The following COL25A1 variants were observed in gnomAD, a reference collection of about 807,000 sequenced individuals.
The protein encoded by COL25A1 is collagen type XXV alpha 1 chain.
COL25A1 carries 103 observed loss-of-function variants against 128.4 expected under a neutral mutation model. The ratio of observed to expected loss-of-function variants is 0.80; its 90% CI spans 0.68 to 0.94. COL25A1 has a LOEUF of 0.94. Among genes scored for constraint, COL25A1 ranks in the 40% least tolerant of loss-of-function variants. The pLI, the probability that COL25A1 is intolerant of heterozygous loss-of-function variation, is 0.00. For missense variants in COL25A1, 745 were observed against 840.0 expected (o/e 0.89, Z 1.40); for synonymous variants, 279 against 277.2 (o/e 1.01, Z -0.06).
At chr4:109,199,257 C>A (rs574624825) in intron 3 of COL25A1, among the ~76,000 whole-genome samples, 1 of 152,268 alleles carries the variant, frequency 6.6e-6, no homozygotes, top group East Asian at 1.9e-4. Flanking sequence ...AGATCCCTGT[C>A]ATGTCTTTAT....
intron 8 of COL25A1, among the ~76,000 whole-genome samples, chr4:108,954,665 A>G (rs1260191972): frequency 2.0e-5 from 3 of 151,776 alleles, no homozygotes; most frequent in South Asian, 2.1e-4. Context: ...TTAATATTCC[A>G]TTTATCAAAG....
intron 3 of COL25A1, among the ~76,000 whole-genome samples, chr4:109,085,665 A>G (rs552983029): frequency 2.0e-5 from 3 of 152,208 alleles, no homozygotes; most frequent in Non-Finnish European, 2.9e-5. Context: ...GTTCCCTGCA[A>G]TATCTACCAT....
At chr4:109,111,091 T>C (rs1342740474) in intron 3 of COL25A1, among the ~76,000 whole-genome samples, 1 of 152,218 alleles carries the variant, frequency 6.6e-6, no homozygotes, top group Non-Finnish European at 1.5e-5. Context: ...CTGTTCCAGA[T>C]TTTTCTCTAC....
intron 3 of COL25A1, among the ~76,000 whole-genome samples, chr4:109,208,068 G>C (rs939128000): frequency 6.6e-6 from 1 of 152,130 alleles, no homozygotes; most frequent in Non-Finnish European, 1.5e-5. Context: ...AAAGAGACAC[G>C]CATATATACG....
intron 3 of COL25A1, among the ~76,000 whole-genome samples, chr4:109,199,417 T>A (rs1490439226): frequency 1.3e-5 from 2 of 152,170 alleles, no homozygotes; most frequent in Admixed American, 1.3e-4. Context: ...AGTGTTGGGA[T>A]TATAGGCATG....
chr4:108,996,198 A>G lies in COL25A1; in HGVS notation c.438+14160T>C, dbSNP rs552073981. On this transcript the variant is annotated intron_variant, in intron 6 of 37. Transcript: ENST00000399132. ...CAAATTGGATAAAGAGTCAGGACCC[A>G]TCGGTGTGCTGTATTCATGAGACCC... 2.2e-4 allele frequency among the ~76,000 whole-genome samples: 33 copies of G among 150,232 alleles called. 1 individual carries two copies. Among genetic ancestry groups the G allele is most frequent in the African/African-American group, 7.1e-4 (29 of 41,060 alleles).
Position 109,102,597 on chromosome 4 carries a change from A to G in COL25A1, c.368-52418T>C, listed in dbSNP as rs28398318. Among the ~76,000 whole-genome samples the G allele has an allele frequency of 9.2e-3, 1,403 of 152,256 alleles. 23 individuals are homozygous for G. The highest frequency in any genetic ancestry group is 0.032 in the African/African-American group (1,324 of 41,558). On this transcript the variant is annotated intron_variant, in intron 3 of 37. Transcript: ENST00000399132. ...ATCAATTTCTGAAAAAAGGATGTTG[A>G]GATCTCTGACTAAAATTGTGGGATT...
chr4:109,035,710 T>C (rs190326309), intron 5 of COL25A1, among the ~76,000 whole-genome samples: 7 of 152,180 alleles, frequency 4.6e-5, no homozygotes, highest in Non-Finnish European at 8.8e-5. Flanking sequence ...AATCTACACA[T>C]AGGAAACTTC....
At chr4:108,845,488 C>T (rs1246627992) in intron 28 of COL25A1, among the ~76,000 whole-genome samples, 2 of 152,070 alleles carry the variant, frequency 1.3e-5, no homozygotes, top group Non-Finnish European at 2.9e-5. Context: ...CTAGTTTGAG[C>T]TTGATTGGTT....
At chr4:108,815,883 A>G (rs752776675) in intron 37 of COL25A1, among the ~76,000 whole-genome samples, 2 of 152,170 alleles carry the variant, frequency 1.3e-5, no homozygotes, top group Non-Finnish European at 2.9e-5. Context: ...TGCGAACCCA[A>G]GTTCTGAGTG....
intron 6 of COL25A1, among the ~76,000 whole-genome samples, chr4:109,000,743 C>CAAAAAAAAAAAAAAAAAAAAAAAAAAA (rs1180104512): frequency 8.2e-5 from 3 of 36,428 alleles, no homozygotes; most frequent in African/African-American, 5.1e-4. Context: ...GAGACTCTGT[C>CAAAAAAAAAAAAAAAAAAAAAAAAAAA]AAAAAAAAAA....
chr4:109,162,607 GA>G (rs1772683563), intron 3 of COL25A1, among the ~76,000 whole-genome samples: 1 of 152,164 alleles, frequency 6.6e-6, no homozygotes, highest in South Asian at 2.1e-4. Context: ...GGAATGTCTA[GA>G]GTCAACGAGA....
At chr4:108,982,054 C>G (rs762177529) in intron 6 of COL25A1, among the ~76,000 whole-genome samples, 2 of 151,656 alleles carry the variant, frequency 1.3e-5, no homozygotes, top group Admixed American at 6.6e-5. Flanking sequence ...ATTAGCCAGG[C>G]GTGGTGGCAT....
At chr4:109,272,171 G>A (rs950611648) in intron 3 of COL25A1, among the ~76,000 whole-genome samples, 3 of 152,100 alleles carry the variant, frequency 2.0e-5, no homozygotes, top group African/African-American at 7.2e-5. Context: ...GAGAGGTCAA[G>A]GCTGCGATGA....
At chr4:109,117,446 T>A (rs1042885381) in intron 3 of COL25A1, among the ~76,000 whole-genome samples, 1 of 151,972 alleles carries the variant, frequency 6.6e-6, no homozygotes, top group African/African-American at 2.4e-5. Context: ...AATCAAAACT[T>A]TCTCAAACAA....
chr4:108,951,394 T>A (rs1296603096), intron 8 of COL25A1, among the ~76,000 whole-genome samples: 1 of 151,600 alleles, frequency 6.6e-6, no homozygotes, highest in Admixed American at 6.6e-5. Flanking sequence ...TTTTTTCTTT[T>A]TTTTTTTTTT....
At chr4:109,190,482 T>C (rs556016408) in intron 3 of COL25A1, among the ~76,000 whole-genome samples, 13 of 152,322 alleles carry the variant, frequency 8.5e-5, no homozygotes, top group Admixed American at 8.5e-4. Context: ...CACACTCCTA[T>C]GCAATCCCAT....
chr4:108,907,035 C>T (rs934612288), intron 13 of COL25A1, among the ~76,000 whole-genome samples: 7 of 152,046 alleles, frequency 4.6e-5, no homozygotes, highest in African/African-American at 7.2e-5. Context: ...GCAGCTGTCA[C>T]GGGAAAAGAG....
chr4:109,049,814 C>T (rs1309968125), intron 4 of COL25A1, among the ~76,000 whole-genome samples: 2 of 152,140 alleles, frequency 1.3e-5, no homozygotes, highest in Admixed American at 6.6e-5. Flanking sequence ...TGCTATCACA[C>T]CGTGTGCAGC....
Sources: gnomAD v4.1 joint callset for allele counts (sites outside exome capture counted in the v4.1 genomes callset) on GRCh38, gnomAD v4.1.1 for gene constraint, MANE v1.5 for transcripts, NCBI Gene and HGNC (gene_info 2026-07-23, HGNC 2026-07-21) for gene names.